ELAVL2: variants seen among roughly 807,000 people sequenced by gnomAD.
ELAVL2 encodes ELAV like RNA binding protein 2.
Under a neutral mutation model 34.6 loss-of-function variants are expected in ELAVL2, and 4 were observed. That is an observed-to-expected ratio of 0.12 (90% confidence interval 0.06 to 0.26). ELAVL2 has a LOEUF of 0.26. Ranked by LOEUF, ELAVL2 falls within the 10% of genes least tolerant of loss-of-function variation. The pLI, the probability that ELAVL2 is intolerant of heterozygous loss-of-function variation, is 1.00. For missense variants in ELAVL2, 432 were observed against 442.8 expected (o/e 0.98, Z 0.22); for synonymous variants, 193 against 154.8 (o/e 1.25, Z -1.83).
chr9:23,769,462 G>A (rs1230057973), intron 1 of ELAVL2, among the ~76,000 whole-genome samples: 1 of 152,154 alleles, frequency 6.6e-6, no homozygotes, highest in Non-Finnish European at 1.5e-5. Flanking sequence ...TTAAGCAAGA[G>A]AATAGTCAAC....
At chr9:23,750,746 A>G (rs1473061118) in intron 2 of ELAVL2, among the ~76,000 whole-genome samples, 3 of 152,206 alleles carry the variant, frequency 2.0e-5, no homozygotes, top group Non-Finnish European at 4.4e-5. Context: ...GTAGAATAAG[A>G]GCAAACTACA....
the ELAVL2 span, among the ~76,000 whole-genome samples, chr9:23,837,466 G>A: frequency 0.19 from 29,146 of 152,150 alleles, 3,315 homozygotes; most frequent in African/African-American, 0.31. Flanking sequence ...GTGTATGCTA[G>A]GTGGCATTCT....
intron 2 of ELAVL2, among the ~76,000 whole-genome samples, chr9:23,736,865 T>G (rs2134932136): frequency 6.6e-6 from 1 of 152,290 alleles, no homozygotes; most frequent in East Asian, 1.9e-4. Flanking sequence ...TTTTGCTCAC[T>G]TCTACTTTCG....
At chr9:23,785,094 A>G (rs2059524529) in intron 1 of ELAVL2, among the ~76,000 whole-genome samples, 2 of 152,206 alleles carry the variant, frequency 1.3e-5, no homozygotes, top group African/African-American at 4.8e-5. Flanking sequence ...TTGGCAAAAC[A>G]GAGTTGACAA....
intron 1 of ELAVL2, among the ~76,000 whole-genome samples, chr9:23,770,816 T>C (rs1175966959): frequency 1.3e-5 from 2 of 152,156 alleles, no homozygotes; most frequent in Non-Finnish European, 2.9e-5. Flanking sequence ...TTTAAAGTAA[T>C]TTGTTAGAGG....
At chr9:23,758,563 A>G (rs937048171) in intron 2 of ELAVL2, among the ~76,000 whole-genome samples, 1 of 152,110 alleles carries the variant, frequency 6.6e-6, no homozygotes, top group Non-Finnish European at 1.5e-5. Flanking sequence ...TTATTATCAT[A>G]TATGTTTCTT....
chr9:23,696,573 A>G (rs1485700861), intron 5 of ELAVL2, among the ~76,000 whole-genome samples: 2 of 152,194 alleles, frequency 1.3e-5, no homozygotes, highest in East Asian at 1.9e-4. Flanking sequence ...GGTTCACACC[A>G]TTCTCTGGCC....
At position 23,692,741 on chromosome 9, in the gene ELAVL2, A is replaced by G; in HGVS notation, c.896T>C (p.Phe299Ser). ...ESILWQMFGP[F>S]GAVTNVKVIR... ...GACCTTCACATTGGTGACAGCTCCA[A>G]AAGGCCCAAACATTTGCCACAGGAT... The change falls in exon 7 of 7, where the codon TTT becomes TCT. Residue 299 changes from phenylalanine to serine, a missense_variant. Phe to Ser is a radical substitution (Grantham distance 155). Transcript: ENST00000397312. 6.2e-7 allele frequency: 1 copy of G among 1,614,184 alleles called. No individual in the cohort carries two copies. The highest frequency in any genetic ancestry group is 8.5e-7 in the Non-Finnish European group (1 of 1,180,006).
At chr9:23,801,479 G>A (rs865838946) in intron 1 of ELAVL2, among the ~76,000 whole-genome samples, 1 of 151,906 alleles carries the variant, frequency 6.6e-6, no homozygotes, top group Non-Finnish European at 1.5e-5. Flanking sequence ...TGCCTTCAAG[G>A]GCTACTCAGT....
intron 2 of ELAVL2, among the ~76,000 whole-genome samples, chr9:23,754,482 T>C (rs944883141): frequency 6.6e-6 from 1 of 152,088 alleles, no homozygotes; most frequent in African/African-American, 2.4e-5. Context: ...AAATGGAGTC[T>C]TGCTCTGTCA....
intron 5 of ELAVL2, among the ~76,000 whole-genome samples, chr9:23,694,783 A>G (rs1459731516): frequency 1.3e-5 from 2 of 152,236 alleles, no homozygotes; most frequent in Non-Finnish European, 2.9e-5. Context: ...AAAGATGAGA[A>G]GAACTGAGCT....
chr9:23,702,967 A>AAACAAC (rs2037893875), intron 4 of ELAVL2, among the ~76,000 whole-genome samples: 3 of 143,550 alleles, frequency 2.1e-5, no homozygotes, highest in Admixed American at 6.9e-5. Context: ...AAAAAAAAAA[A>AAACAAC]AAAAAAAAAA....
At chr9:23,740,648 GA>G (rs907721621) in intron 2 of ELAVL2, among the ~76,000 whole-genome samples, 24 of 147,032 alleles carry the variant, frequency 1.6e-4, no homozygotes, top group East Asian at 7.9e-4. Context: ...ATCTGTGAAA[GA>G]AAAAAAAAAT....
intron 1 of ELAVL2, among the ~76,000 whole-genome samples, chr9:23,782,100 C>T (rs117575089): frequency 0.14 from 21,583 of 152,090 alleles, 1,994 homozygotes; most frequent in South Asian, 0.25. Flanking sequence ...GAATTACAGG[C>T]GTGAGCCACC....
At position 23,820,766 on chromosome 9, in the gene ELAVL2, T is replaced by C. The variant is rs562020744; in HGVS notation, c.-16+5040A>G. ...CACCCCGGCCGCCGCTGGCAGGCCC[T>C]ACCAGCCAAGCTGGAGGAGCAGCTG... On this transcript the variant is annotated intron_variant, in intron 1 of 6. Transcript: ENST00000397312. Among the ~76,000 whole-genome samples, 725 of 152,266 alleles carry C rather than the reference T, an allele frequency of 4.8e-3. 5 individuals carry two copies. The highest frequency in any genetic ancestry group is 6.8e-3 in the Middle Eastern group (2 of 294).
At position 23,691,884 on chromosome 9, in the gene ELAVL2, CTTT is replaced by C. The variant is rs1563877779; in HGVS notation, c.*670_*672del. 1 of 152,442 alleles carries C rather than the reference CTTT, an allele frequency of 6.6e-6. No homozygotes were observed. Among genetic ancestry groups the C allele is most frequent in the Non-Finnish European group, 1.5e-5 (1 of 67,964 alleles). The allele number at this position is 152,442 out of a possible 1,614,324, so 9.4% of individuals were successfully genotyped here. On this transcript the variant is annotated 3_prime_UTR_variant, in exon 7 of 7. Transcript: ENST00000397312. ...CCAGTAAAAAGTTTCTCCAAATTTTCTTTTTTATAAAAATAGATGCTTTTTTTA... is the reference window on the plus strand; with the variant it reads ...CCAGTAAAAAGTTTCTCCAAATTTTCTTTATAAAAATAGATGCTTTTTTTA...
intron 2 of ELAVL2, among the ~76,000 whole-genome samples, chr9:23,744,185 A>G (rs2049953391): frequency 6.6e-6 from 1 of 152,080 alleles, no homozygotes; most frequent in Non-Finnish European, 1.5e-5. Flanking sequence ...GCTCGCCCCC[A>G]CCTATTATTC....
intron 1 of ELAVL2, among the ~76,000 whole-genome samples, chr9:23,799,181 C>T (rs755859872): frequency 2.6e-5 from 4 of 152,172 alleles, no homozygotes; most frequent in Non-Finnish European, 5.9e-5. Flanking sequence ...CCATCTCTAT[C>T]TCCAAACTAC....
At chr9:23,835,089 C>T in the ELAVL2 span, among the ~76,000 whole-genome samples, 1 of 152,004 alleles carries the variant, frequency 6.6e-6, no homozygotes, top group African/African-American at 2.4e-5. Context: ...AGTCTTTCTG[C>T]AATCTGTTAC....
Sources: gnomAD v4.1 joint callset for allele counts (sites outside exome capture counted in the v4.1 genomes callset) on GRCh38, gnomAD v4.1.1 for gene constraint, MANE v1.5 for transcripts, NCBI Gene and HGNC (gene_info 2026-07-23, HGNC 2026-07-21) for gene names.